STARD9: variants seen among roughly 807,000 people sequenced by gnomAD.
STARD9 encodes stAR-related lipid transfer protein 9.
Under a neutral mutation model 399.8 loss-of-function variants are expected in STARD9, and 346 were observed. That is an observed-to-expected ratio of 0.87 (90% CI 0.79 to 0.95). The LOEUF (loss-of-function observed/expected upper bound fraction) is 0.95, where lower values mean the gene tolerates loss of function less well. Ranked by LOEUF, STARD9 falls within the 40% of genes least tolerant of loss-of-function variation. STARD9 has a pLI of 0.00. For missense variants in STARD9, 5,832 were observed against 5,667.5 expected (o/e 1.03, Z -0.93); for synonymous variants, 2,203 against 2,143.5 (o/e 1.03, Z -0.77).
intron 10 of STARD9, 124 bp downstream of exon 10, chr15:42,661,349 T>C: frequency 2.8e-6 from 2 of 717,094 alleles, no homozygotes; most frequent in Non-Finnish European, 4.7e-6. Flanking sequence ...AATAAGCTCT[T>C]TGAATGCTAG....
intron 7 of STARD9, among the ~76,000 whole-genome samples, chr15:42,641,108 T>C (rs923346097): frequency 2.6e-5 from 4 of 152,188 alleles, no homozygotes; most frequent in Non-Finnish European, 2.9e-5. Flanking sequence ...TCAGAAAATA[T>C]GACTCTTGGA....
At chr15:42,607,686 A>ACACACACACACACAC (rs2058764892) in intron 3 of STARD9, among the ~76,000 whole-genome samples, 1 of 144,102 alleles carries the variant, frequency 6.9e-6, no homozygotes, top group African/African-American at 2.9e-5. Flanking sequence ...ACACACACAC[A>ACACACACACACACAC]AATATATATT....
intron 26 of STARD9, among the ~76,000 whole-genome samples, chr15:42,707,226 G>A (rs1251163900): frequency 2.0e-5 from 3 of 152,150 alleles, no homozygotes; most frequent in Non-Finnish European, 4.4e-5. Context: ...AGGACTTTGA[G>A]GATATTGGAA....
In STARD9 at chr15:42,646,770, C is replaced by T. The variant is rs564032840; in HGVS notation, c.560-4246C>T. ...ATTCACAGCCTGGCCAACTGTTGGGCGCAAGAGGCCTAGCTTTCAGCCTTT... is the reference window on the plus strand; with the variant it reads ...ATTCACAGCCTGGCCAACTGTTGGGTGCAAGAGGCCTAGCTTTCAGCCTTT... On this transcript the variant is annotated intron_variant, in intron 7 of 32. Coordinates refer to ENST00000290607, the MANE Select transcript of STARD9 (RefSeq NM_020759.3). Among the ~76,000 whole-genome samples, 23 of 152,332 alleles carry T rather than the reference C, an allele frequency of 1.5e-4. No homozygotes were observed. In the South Asian group the frequency reaches 2.1e-3, roughly 14 times the overall value.
intron 4 of STARD9, among the ~76,000 whole-genome samples, chr15:42,636,890 A>G (rs1595683024): frequency 6.6e-6 from 1 of 151,784 alleles, no homozygotes; most frequent in South Asian, 2.1e-4. Context: ...ACGTGGTGAA[A>G]CCCCATCTCT....
chr15:42,691,041 TTGG>T lies in STARD9; in HGVS notation c.9468_9470del (p.Val3157del), dbSNP rs2060682120. ...AAGTGAAGGGTCTGCTGAGAGCAAG[TTGG>T]TGGTAGAGCCACAGCATGAATGTTT... On this transcript the variant is annotated inframe_deletion, in exon 23 of 33. Transcript: ENST00000290607. The T allele has an allele frequency of 3.9e-6, 6 of 1,537,226 alleles. No individual in the cohort carries two copies. The highest frequency in any genetic ancestry group is 1.7e-4 in the Middle Eastern group (1 of 5,990).
At chr15:42,651,503 CTG>C (rs1158292414) in intron 8 of STARD9, among the ~76,000 whole-genome samples, 3 of 152,100 alleles carry the variant, frequency 2.0e-5, no homozygotes, top group African/African-American at 7.2e-5. Context: ...CCTCAAAAGA[CTG>C]TTTTGAATCT....
chr15:42,601,994 G>A (rs890671767), intron 3 of STARD9, among the ~76,000 whole-genome samples: 7 of 152,148 alleles, frequency 4.6e-5, no homozygotes, highest in Non-Finnish European at 7.3e-5. Context: ...CTACAGGTGC[G>A]TGTCACCACG....
At chr15:42,610,825 G>A (rs2058833339) in intron 3 of STARD9, among the ~76,000 whole-genome samples, 1 of 152,328 alleles carries the variant, frequency 6.6e-6, no homozygotes, top group South Asian at 2.1e-4. Context: ...GGGATTACAG[G>A]CGTGAGCTAC....
chr15:42,618,535 A>G (rs140937372), intron 3 of STARD9, among the ~76,000 whole-genome samples: 2 of 152,280 alleles, frequency 1.3e-5, no homozygotes, highest in East Asian at 3.9e-4. Context: ...GTATATCACT[A>G]TGCATGAATG....
Position 42,719,770 on chromosome 15 carries a change from G to C in STARD9, c.*196G>C, listed in dbSNP as rs1409702717. 1.8e-6 allele frequency: 1 copy of C among 566,518 alleles called. No individual in the cohort carries two copies. The highest frequency in any genetic ancestry group is 3.1e-6 in the Non-Finnish European group (1 of 318,268). 35.1% of individuals were successfully genotyped at this position (566,518 alleles called of 1,614,324 possible). On this transcript the variant is annotated 3_prime_UTR_variant, in exon 33 of 33. Coordinates refer to ENST00000290607, the MANE Select transcript of STARD9 (RefSeq NM_020759.3). ...CAGTACTTGGTCACAGCTGGCACCAGTGCAGAGCAAACGGCCTGAGCTCCT... is the reference window on the plus strand; with the variant it reads ...CAGTACTTGGTCACAGCTGGCACCACTGCAGAGCAAACGGCCTGAGCTCCT...
intron 1 of STARD9, among the ~76,000 whole-genome samples, chr15:42,582,551 A>G (rs2141657806): frequency 6.6e-6 from 1 of 152,344 alleles, no homozygotes; most frequent in South Asian, 2.1e-4. Flanking sequence ...AAGAAGATAT[A>G]AAGAAAGGAT....
chr15:42,636,770 A>G (rs897116221), intron 4 of STARD9, among the ~76,000 whole-genome samples: 2 of 152,100 alleles, frequency 1.3e-5, no homozygotes, highest in Admixed American at 1.3e-4. Context: ...ATTTGACATT[A>G]AAAGAAGAAT....
intron 3 of STARD9, among the ~76,000 whole-genome samples, chr15:42,587,767 G>A (rs1175928538): frequency 1.3e-5 from 2 of 152,084 alleles, no homozygotes; most frequent in African/African-American, 4.8e-5. Flanking sequence ...GTTTCTCCGT[G>A]TTGGTCAGGC....
intron 1 of STARD9, among the ~76,000 whole-genome samples, chr15:42,577,184 C>A (rs550166365): frequency 6.6e-6 from 1 of 151,490 alleles, no homozygotes; most frequent in East Asian, 1.9e-4. Context: ...GATGGAGTCT[C>A]GCTCTGTCGC....
intron 25 of STARD9, 132 bp downstream of exon 25, chr15:42,695,455 C>T: frequency 1.1e-6 from 1 of 917,740 alleles, no homozygotes; most frequent in South Asian, 1.8e-5. Context: ...CTGTTGTCAA[C>T]TCAAAGCTGG....
chr15:42,653,360 C>T (rs1169836713), intron 9 of STARD9, among the ~76,000 whole-genome samples: 1 of 151,970 alleles, frequency 6.6e-6, no homozygotes, highest in Non-Finnish European at 1.5e-5. Flanking sequence ...TGAGAAGTAC[C>T]ACACCCAAAA....
chr15:42,718,492 G>A lies in STARD9; in HGVS notation c.13820G>A (p.Cys4607Tyr). The A allele has an allele frequency of 1.3e-6, 2 of 1,537,274 alleles. No individual in the cohort carries two copies. Among genetic ancestry groups the A allele is most frequent in the Non-Finnish European group, 1.7e-6 (2 of 1,146,904 alleles). ...CTGAAGCAGCCACGGGATTTCTGTT[G>A]TGTCTGCGTGGAAGCCAAAGAGGTG... The part of the protein sequence containing the change: ...CALKQPRDFC[C>Y]VCVEAKEGHL... The change falls in exon 31 of 33, where the codon TGT becomes TAT. Residue 4607 changes from cysteine to tyrosine, a missense_variant. By Grantham distance (194) the Cys-to-Tyr change is radical. Coordinates refer to ENST00000290607, the MANE Select transcript of STARD9 (RefSeq NM_020759.3).
rs182846561 is a variant in STARD9 at position 42,597,100 on chromosome 15, T to A, written c.234+11463T>A. Among the ~76,000 whole-genome samples, 30 of 152,328 alleles carry A rather than the reference T, an allele frequency of 2.0e-4. 1 individual carries two copies. The highest frequency in any genetic ancestry group is 2.0e-3 in the Admixed American group (30 of 15,298). ...TTACGATTGTGTGTGTGTGTATATA[T>A]ATTTTGTTTGTTTGAGACAAGGTCT... On this transcript the variant is annotated intron_variant, in intron 3 of 32. Transcript: ENST00000290607.
Sources: gnomAD v4.1 joint callset for allele counts (sites outside exome capture counted in the v4.1 genomes callset) on GRCh38, gnomAD v4.1.1 for gene constraint, MANE v1.5 for transcripts, NCBI Gene and HGNC (gene_info 2026-07-23, HGNC 2026-07-21) for gene names.